GNG7: variants seen among roughly 807,000 people sequenced by gnomAD.
GNG7 encodes the protein G protein subunit gamma 7.
A neutral mutation model predicts 4.0 loss-of-function variants in GNG7; 1 was observed. That is an observed-to-expected ratio of 0.25 (90% CI 0.09 to 1.18). The LOEUF (loss-of-function observed/expected upper bound fraction) is 1.18. Ranked by LOEUF, GNG7 falls within the 50% of genes most tolerant of loss-of-function variation. GNG7 has a pLI of 0.50. For missense variants in GNG7, 86 were observed against 91.9 expected, an observed-to-expected ratio of 0.94 and a Z score of 0.26; for synonymous variants, 34 against 36.9, an observed-to-expected ratio of 0.92 and a Z score of 0.29.
chr19:2,687,551 G>A (rs567152241), intron 1 of GNG7, among the ~76,000 whole-genome samples: 258 of 152,234 alleles, frequency 1.7e-3, no homozygotes, highest in African/African-American at 5.9e-3. Flanking sequence ...GGGAGGCAGA[G>A]GTTGCGGTGA....
chr19:2,534,999 G>C (rs1328799372), intron 3 of GNG7, among the ~76,000 whole-genome samples: 1 of 152,160 alleles, frequency 6.6e-6, no homozygotes, highest in Non-Finnish European at 1.5e-5. Flanking sequence ...CAGACACACA[G>C]AATAACATTT....
rs1190774144 is a variant in GNG7, at chr19:2,617,603, C to G, written c.-78+28621G>C. ...TGTCCTTCCTCCTGCCTTCAATGCT[C>G]CTCCCCATCCTGCAGGGGTTGGCAA... On this transcript the variant is annotated intron_variant, in intron 2 of 4. Transcript: ENST00000382159. This position sits in a 1 kb window ranked among gnomAD's most constrained non-coding sequence, Gnocchi z 4.7. Among the ~76,000 whole-genome samples the G allele has an allele frequency of 2.0e-5, 3 of 152,214 alleles. No individual in the cohort carries two copies. The highest frequency in any genetic ancestry group is 6.5e-5 in the Admixed American group (1 of 15,276).
At chr19:2,524,362 T>C (rs138820550) in intron 3 of GNG7, among the ~76,000 whole-genome samples, 244 of 152,360 alleles carry the variant, frequency 1.6e-3, no homozygotes, top group Middle Eastern at 0.01. Flanking sequence ...TTTGCATGTA[T>C]GTCAATGATG....
intron 1 of GNG7, among the ~76,000 whole-genome samples, chr19:2,698,947 A>G (rs1322164528): frequency 6.6e-6 from 1 of 152,202 alleles, no homozygotes; most frequent in African/African-American, 2.4e-5. Context: ...TGTTTTCTAA[A>G]TAAAGCTCCT....
intron 2 of GNG7, among the ~76,000 whole-genome samples, chr19:2,640,428 G>A (rs554864669): frequency 6.6e-6 from 1 of 152,204 alleles, no homozygotes; most frequent in East Asian, 1.9e-4. Flanking sequence ...GGTGGATGTC[G>A]AGGTTTCTCG....
chr19:2,551,468 C>T (rs923985335), intron 3 of GNG7, among the ~76,000 whole-genome samples: 15 of 150,570 alleles, frequency 1.0e-4, no homozygotes, highest in African/African-American at 3.4e-4. Flanking sequence ...CTAGGGAACG[C>T]CAAAAAGCCC....
Position 2,566,312 on chromosome 19 carries a change from TC to T in GNG7, c.-77-11125del, listed in dbSNP as rs1242875220. ...CACAAGCCAGGGAAGGCCAAGGATCTCCGGCCATCACCAGGAGCTGGGAGTG... is the reference window on the plus strand; with the variant it reads ...CACAAGCCAGGGAAGGCCAAGGATCTCGGCCATCACCAGGAGCTGGGAGTG... On this transcript the variant is annotated intron_variant, in intron 2 of 4. Coordinates refer to ENST00000382159, the MANE Select transcript of GNG7 (RefSeq NM_052847.3). Among the ~76,000 whole-genome samples the T allele has an allele frequency of 2.0e-5, 3 of 152,208 alleles. No homozygotes were observed. In the East Asian group the frequency reaches 5.8e-4, roughly 29 times the overall value.
intron 2 of GNG7, among the ~76,000 whole-genome samples, chr19:2,594,016 G>A (rs1390852516): frequency 1.3e-5 from 2 of 151,362 alleles, no homozygotes; most frequent in African/African-American, 2.4e-5. Context: ...AACATGAGGT[G>A]CTTCTGAAGG....
chr19:2,651,125 CAGT>C (rs1982800461), intron 1 of GNG7, among the ~76,000 whole-genome samples: 1 of 152,162 alleles, frequency 6.6e-6, no homozygotes, highest in Non-Finnish European at 1.5e-5. Context: ...AGGCCATGGA[CAGT>C]GGTGGTGGTC....
intron 4 of GNG7, among the ~76,000 whole-genome samples, chr19:2,519,014 T>C (rs1027314726): frequency 2.0e-5 from 3 of 151,842 alleles, no homozygotes; most frequent in African/African-American, 7.3e-5. Flanking sequence ...GCCAGGCTGG[T>C]CTCGAACTCC....
intron 2 of GNG7, chr19:2,642,590 T>C (rs940634396): frequency 5.6e-6 from 2 of 360,224 alleles, no homozygotes; most frequent in Middle Eastern, 1.0e-3. Flanking sequence ...GGTCTCAAAC[T>C]CTCAGGCTCA....
Position 2,575,738 on chromosome 19 carries a change from C to CAGACACAGGCACACACAGGCACACGCAG in GNG7, c.-77-20551_-77-20550insCTGCGTGTGCCTGTGTGTGCCTGTGTCT, listed in dbSNP as rs201042346. ...GCACACGCAGACACGCAGGCACACG[C>CAGACACAGGCACACACAGGCACACGCAG]ACACGCAGGCACACGCAGACACGCA... On this transcript the variant is annotated intron_variant, in intron 2 of 4. Transcript: ENST00000382159. 1.0e-4 allele frequency among the ~76,000 whole-genome samples: 8 copies of CAGACACAGGCACACACAGGCACACGCAG among 79,598 alleles called. 2 individuals carry two copies. The highest frequency in any genetic ancestry group is 7.2e-4 in the African/African-American group (8 of 11,144). 52.2% of individuals were successfully genotyped at this position (79,598 alleles called of 152,430 possible). A position where few individuals can be genotyped will look rare whatever the true frequency, so the allele number is the denominator to read the frequency against.
At position 2,594,092 on chromosome 19, in the gene GNG7, C is replaced by T. The variant is rs553540833; in HGVS notation, c.-77-38904G>A. ...GTTTACAGAAACTGCAAATCAAGGC[C>T]GGGCACAGTGGCTCACGCCTGTAAT... On this transcript the variant is annotated intron_variant, in intron 2 of 4. Transcript: ENST00000382159. 5.9e-5 allele frequency among the ~76,000 whole-genome samples: 9 copies of T among 152,082 alleles called. No individual in the cohort carries two copies. The South Asian group carries it at 1.7e-3, about 28-fold the overall frequency.
intron 2 of GNG7, among the ~76,000 whole-genome samples, chr19:2,562,858 A>G (rs961592774): frequency 4.6e-5 from 7 of 152,208 alleles, no homozygotes; most frequent in African/African-American, 1.7e-4. Flanking sequence ...CAGGAGCTGC[A>G]GTCCCTCTGG....
chr19:2,658,237 C>T (rs974279697), intron 1 of GNG7, among the ~76,000 whole-genome samples: 1 of 152,152 alleles, frequency 6.6e-6, no homozygotes, highest in Admixed American at 6.5e-5. Flanking sequence ...CCCAGTTTCC[C>T]CTCATGTTAG....
chr19:2,576,618 C>A (rs1323760382), intron 2 of GNG7, among the ~76,000 whole-genome samples: 2 of 152,192 alleles, frequency 1.3e-5, no homozygotes, highest in Non-Finnish European at 2.9e-5. Flanking sequence ...GCAATCACAG[C>A]TCAATGCAGC....
At chr19:2,562,357 C>T (rs1979770085) in intron 2 of GNG7, among the ~76,000 whole-genome samples, 1 of 151,770 alleles carries the variant, frequency 6.6e-6, no homozygotes, top group Non-Finnish European at 1.5e-5. Flanking sequence ...GATCTCGGCT[C>T]ACTGCAACCT....
At chr19:2,528,629 G>A (rs1302591691) in intron 3 of GNG7, among the ~76,000 whole-genome samples, 1 of 152,152 alleles carries the variant, frequency 6.6e-6, no homozygotes, top group African/African-American at 2.4e-5. Context: ...TGTGAGCCCC[G>A]TTGCATTTGA....
chr19:2,515,853 T>A (rs1972728372), intron 4 of GNG7, among the ~76,000 whole-genome samples: 1 of 151,980 alleles, frequency 6.6e-6, no homozygotes, highest in Admixed American at 6.6e-5. Context: ...GGTGATGGAA[T>A]GTCCTGGAAT....
Sources: gnomAD v4.1 joint callset for allele counts (sites outside exome capture counted in the v4.1 genomes callset) on GRCh38, gnomAD v4.1.1 for gene constraint, Gnocchi (gnomAD v3.1) non-coding constraint, MANE v1.5 for transcripts, NCBI Gene and HGNC (gene_info 2026-07-23, HGNC 2026-07-21) for gene names.